Variants in THOC2 observed in about 807,000 individuals in gnomAD.
THOC2 encodes THO complex subunit 2, also known as THO complex 2.
Under a neutral mutation model 128.4 loss-of-function variants are expected in THOC2, and 10 were observed. That is an observed-to-expected ratio of 0.08 (90% CI 0.05 to 0.13). The LOEUF (loss-of-function observed/expected upper bound fraction) is 0.13, where lower values mean the gene tolerates loss of function less well. Among genes scored for constraint, THOC2 ranks in the 10% least tolerant of loss-of-function variants. THOC2 has a pLI of 1.00. For synonymous variants in THOC2, 393 were observed against 396.9 expected, an observed-to-expected ratio of 0.99 and a Z score of 0.12; for missense variants, 535 against 1,155.7, an observed-to-expected ratio of 0.46 and a Z score of 7.79.
At chrX:123,678,890 A>G (rs760761319) in intron 8 of THOC2, among the ~76,000 whole-genome samples, 1 of 110,545 alleles carries the variant, frequency 9.0e-6, no homozygotes, top group East Asian at 2.9e-4. Context: ...CAAACTCCCA[A>G]TCACACCTAC....
chrX:123,706,391 T>C (rs1333998658), intron 3 of THOC2, among the ~76,000 whole-genome samples: 1 of 111,389 alleles, frequency 9.0e-6, no homozygotes, highest in Non-Finnish European at 1.9e-5. Context: ...TTAATTATAC[T>C]TTAAGTTCTA....
intron 12 of THOC2, among the ~76,000 whole-genome samples, chrX:123,656,069 T>C (rs772103138): frequency 9.6e-4 from 103 of 107,642 alleles, no homozygotes; most frequent in African/African-American, 3.5e-3. Context: ...ATGCCTGTAA[T>C]CCCAGCACTT....
chrX:123,641,050 CAG>C (rs2047893114), intron 15 of THOC2, among the ~76,000 whole-genome samples: 1 of 111,857 alleles, frequency 8.9e-6, no homozygotes, highest in Non-Finnish European at 1.9e-5. Context: ...GTGACTCTAA[CAG>C]AGTTACTGTG....
rs146325216 is a variant in THOC2 at position 123,680,020 on chromosome X, T to C, written c.768+6528A>G. Among the ~76,000 whole-genome samples the C allele has an allele frequency of 7.5e-3, 837 of 112,009 alleles. 4 individuals are homozygous for C. Among genetic ancestry groups the C allele is most frequent in the African/African-American group, 0.026 (791 of 30,849 alleles). On this transcript the variant is annotated intron_variant, in intron 8 of 38. Transcript: ENST00000245838. The stretch of plus-strand genomic sequence containing the variant: ...TTGTCCAAGGTTTCTCTCCACGTGA[T>C]AGCCTGAGATATGGCCTCGTGGGAA...
At chrX:123,680,064 C>T (rs1299534171) in intron 8 of THOC2, among the ~76,000 whole-genome samples, 1 of 111,575 alleles carries the variant, frequency 9.0e-6, no homozygotes, top group Non-Finnish European at 1.9e-5. Flanking sequence ...CCTGACCGTC[C>T]CCCAGTCCGA....
intron 8 of THOC2, among the ~76,000 whole-genome samples, chrX:123,679,263 C>A (rs2049648401): frequency 9.0e-6 from 1 of 111,596 alleles, no homozygotes; most frequent in Non-Finnish European, 1.9e-5. Context: ...CCAATTCCAC[C>A]AAAACTGCTA....
At chrX:123,660,692 T>C (rs1603281409) in intron 12 of THOC2, among the ~76,000 whole-genome samples, 4 of 111,935 alleles carry the variant, frequency 3.6e-5, no homozygotes, top group African/African-American at 1.3e-4. Context: ...AAATCAAGAG[T>C]GAAACATTAT....
intron 12 of THOC2, among the ~76,000 whole-genome samples, chrX:123,648,687 C>T (rs1194610877): frequency 9.1e-6 from 1 of 109,762 alleles, no homozygotes; most frequent in East Asian, 2.9e-4. Context: ...ACAGTGTAAA[C>T]AAAGCTGCTG....
In THOC2 at chrX:123,625,918, A is replaced by G. The variant is rs2047254780; in HGVS notation, c.3051T>C (p.Tyr1017=). Residue 1017 remains tyrosine, a synonymous_variant, in exon 25 of 39, where the codon TAT becomes TAC. Coordinates refer to ENST00000245838, the MANE Select transcript of THOC2 (RefSeq NM_001081550.2). ...KTPNFSTLLC[Y]DRVFSDIIYT... ...GGTTGCAATAAAAACTTACTCGATC[A>G]TAGCAAAGAAGTGTGGAAAAATTTG... The G allele has an allele frequency of 8.3e-7, 1 of 1,206,973 alleles. No homozygotes were observed. The highest frequency in any genetic ancestry group is 1.1e-6 in the Non-Finnish European group (1 of 893,936).
chrX:123,632,489 C>CAA (rs11324625), intron 21 of THOC2, among the ~76,000 whole-genome samples: 216 of 34,472 alleles, frequency 6.3e-3, no homozygotes, highest in Admixed American at 8.3e-3. Flanking sequence ...GGCTTTGTCT[C>CAA]AAAAAAAAAA....
chrX:123,690,050 A>G (rs1169004807), intron 7 of THOC2, among the ~76,000 whole-genome samples: 1 of 111,530 alleles, frequency 9.0e-6, no homozygotes, highest in Non-Finnish European at 1.9e-5. Context: ...ACACACACAC[A>G]TATGCCTTTA....
intron 1 of THOC2, among the ~76,000 whole-genome samples, chrX:123,727,222 T>G (rs746878814): frequency 9.1e-6 from 1 of 110,314 alleles, no homozygotes; most frequent in African/African-American, 3.3e-5. Flanking sequence ...CAAAAAAAAC[T>G]TAGTTAAAAA....
At chrX:123,646,914 C>CG (rs2048148021) in intron 12 of THOC2, among the ~76,000 whole-genome samples, 1 of 111,203 alleles carries the variant, frequency 9.0e-6, no homozygotes, top group African/African-American at 3.3e-5. Flanking sequence ...TATATTATGT[C>CG]GGGGAAAAAG....
Position 123,635,103 on chromosome X carries a change from G to GT in THOC2, c.2018+975dup, listed in dbSNP as rs200239003. Among the ~76,000 whole-genome samples the GT allele has an allele frequency of 3.8e-3, 423 of 110,496 alleles. 5 individuals carry two copies. In the East Asian group the frequency reaches 0.064, roughly 17 times the overall value. ...TGCCTTGCTTTCCTTAGTTTCGTTT[G>GT]TTTTTTTTAAAGAAAGCCCTCATGA... On this transcript the variant is annotated intron_variant, in intron 19 of 38. Coordinates refer to ENST00000245838, the MANE Select transcript of THOC2 (RefSeq NM_001081550.2).
chrX:123,651,728 C>A lies in THOC2; in HGVS notation c.1387-6353G>T, dbSNP rs779493136. On this transcript the variant is annotated intron_variant, in intron 12 of 38. Coordinates refer to ENST00000245838, the MANE Select transcript of THOC2 (RefSeq NM_001081550.2). Reference sequence around the variant, plus strand: ...GGATAAATTCCTGGACACATACGCCCCCCCCCCAAGACTAAACCAGGAAGA... The same window carrying A: ...GGATAAATTCCTGGACACATACGCCACCCCCCCAAGACTAAACCAGGAAGA... 1.2e-4 allele frequency among the ~76,000 whole-genome samples: 13 copies of A among 106,023 alleles called. No homozygotes were observed. In the South Asian group the frequency reaches 3.2e-3, roughly 26 times the overall value. 92.1% of individuals were successfully genotyped at this position (106,023 alleles called of 115,157 possible). A position where few individuals can be genotyped will look rare whatever the true frequency, so the allele number is the denominator to read the frequency against.
intron 2 of THOC2, 123 bp downstream of exon 2, chrX:123,712,727 T>C (rs2051243836): frequency 7.0e-6 from 3 of 429,719 alleles, no homozygotes; most frequent in East Asian, 4.1e-5. Flanking sequence ...AATATAACCA[T>C]GTAAAACCTT....
At chrX:123,665,128 T>C (rs1440923218) in intron 12 of THOC2, among the ~76,000 whole-genome samples, 2 of 111,889 alleles carry the variant, frequency 1.8e-5, no homozygotes, top group Non-Finnish European at 3.8e-5. Flanking sequence ...AATGTTTCGG[T>C]TGATGGACCA....
chrX:123,705,149 G>A (rs2050874941), intron 3 of THOC2, among the ~76,000 whole-genome samples: 1 of 111,917 alleles, frequency 8.9e-6, no homozygotes, highest in Non-Finnish European at 1.9e-5. Context: ...ACAGTATATA[G>A]TACTAAGAGA....
At chrX:123,604,337 A>C (rs763880811) in intron 38 of THOC2, among the ~76,000 whole-genome samples, 8 of 109,490 alleles carry the variant, frequency 7.3e-5, no homozygotes, top group Non-Finnish European at 1.1e-4. Flanking sequence ...ACGCCATTTT[A>C]TATTGGTAAT....
Sources: allele counts gnomAD v4.1 joint callset (sites outside exome capture counted in the v4.1 genomes callset), GRCh38; gene constraint gnomAD v4.1.1; transcripts MANE v1.5; gene names NCBI Gene and HGNC (gene_info 2026-07-23, HGNC 2026-07-21).